ZSCAN30: variants seen among roughly 807,000 people sequenced by gnomAD.
ZSCAN30 encodes zinc finger and SCAN domain-containing protein 30.
A neutral mutation model predicts 44.3 loss-of-function variants in ZSCAN30; 37 were observed. The ratio of observed to expected loss-of-function variants is 0.84; its 90% CI spans 0.64 to 1.10. The LOEUF is 1.10. Among genes scored for constraint, ZSCAN30 ranks in the 50% least tolerant of loss-of-function variants. ZSCAN30 has a pLI of 0.00. For synonymous variants in ZSCAN30, 181 were observed against 204.6 expected (o/e 0.88, Z 0.98); for missense variants, 549 against 582.6 (o/e 0.94, Z 0.59).
intron 1 of ZSCAN30, among the ~76,000 whole-genome samples, chr18:35,270,788 C>T (rs1048017921): frequency 1.2e-4 from 19 of 152,306 alleles, no homozygotes; most frequent in African/African-American, 4.3e-4. Context: ...AGAATAAAGC[C>T]GCGGACCCTC....
intron 3 of ZSCAN30, chr18:35,260,636 A>AT (rs1348610634): frequency 1.3e-5 from 2 of 151,952 alleles, no homozygotes; most frequent in South Asian, 2.1e-4. Context: ...TTTTTTATAT[A>AT]TTTTTTGGTG....
At chr18:35,271,859 C>T (rs1477002971) in intron 1 of ZSCAN30, among the ~76,000 whole-genome samples, 1 of 152,204 alleles carries the variant, frequency 6.6e-6, no homozygotes. Context: ...TTCTGTGGGA[C>T]CCCGCGCCCC....
intron 1 of ZSCAN30, 148 bp downstream of exon 1, chr18:35,289,936 T>C (rs1289796078): frequency 6.6e-6 from 1 of 152,172 alleles, no homozygotes; most frequent in East Asian, 1.9e-4. Context: ...TGATGCGCGC[T>C]ACTCTTCTGG....
intron 1 of ZSCAN30, among the ~76,000 whole-genome samples, chr18:35,272,180 A>C (rs986859020): frequency 3.9e-5 from 6 of 152,110 alleles, no homozygotes; most frequent in African/African-American, 1.4e-4. Flanking sequence ...GTCACCTCTC[A>C]CTACCACCTG....
At chr18:35,286,849 C>T (rs568273853) in intron 1 of ZSCAN30, among the ~76,000 whole-genome samples, 60 of 152,076 alleles carry the variant, frequency 3.9e-4, no homozygotes, top group Admixed American at 6.5e-4. Context: ...TGCCTTACTG[C>T]GCTGAAAATA....
chr18:35,280,268 T>A (rs2044432592), intron 1 of ZSCAN30, among the ~76,000 whole-genome samples: 1 of 95,562 alleles, frequency 1.0e-5, no homozygotes, highest in African/African-American at 3.8e-5. Flanking sequence ...ACAGTGATAC[T>A]TTGTCTCAAA....
At position 35,254,012 on chromosome 18, in the gene ZSCAN30, T is replaced by G. The variant is rs754457806; in HGVS notation, c.923A>C (p.Lys308Thr). Residue 308 changes from lysine (K) to threonine (T), a missense_variant, in exon 4 of 4, where the codon AAG becomes ACG. Coordinates refer to ENST00000333206, the MANE Select transcript of ZSCAN30 (RefSeq NM_001112734.4). ...CAGCTTTGAGCTCTGGCAAAAGGCC[T>G]TCCCACAGTCAAAGCACTCATAGAG... is the stretch of plus-strand genomic sequence containing the variant. ...EKLYECFDCG[K>T]AFCQSSKLIR... The G allele has an allele frequency of 3.7e-6, 6 of 1,614,110 alleles. No individual in the cohort carries two copies. The highest frequency in any genetic ancestry group is 1.3e-5 in the African/African-American group (1 of 74,948).
intron 1 of ZSCAN30, among the ~76,000 whole-genome samples, chr18:35,288,343 T>TAA (rs758726688): frequency 5.3e-5 from 8 of 152,218 alleles, no homozygotes; most frequent in Non-Finnish European, 1.2e-4. Context: ...CACAGTGAGT[T>TAA]GGTAAGGATG....
Position 35,253,919 on chromosome 18 carries a change from C to G in ZSCAN30, c.1016G>C (p.Ser339Thr), listed in dbSNP as rs764405423. Residue 339 changes from serine to threonine, a missense_variant, in exon 4 of 4, where the codon AGT (serine) becomes ACT (threonine). Coordinates refer to ENST00000333206, the MANE Select transcript of ZSCAN30 (RefSeq NM_001112734.4). ...YACKECGKAF[S>T]LSSDLVRHQR... Reference sequence around the variant, plus strand: ...ATGTCTAACAAGGTCTGAGCTCAAACTGAAGGCTTTGCCACATTCTTTACA... The same window carrying G: ...ATGTCTAACAAGGTCTGAGCTCAAAGTGAAGGCTTTGCCACATTCTTTACA... 6.2e-7 allele frequency: 1 copy of G among 1,614,150 alleles called. No homozygotes were observed. Among genetic ancestry groups the G allele is most frequent in the African/African-American group, 1.3e-5 (1 of 75,042 alleles).
intron 1 of ZSCAN30, among the ~76,000 whole-genome samples, chr18:35,279,525 T>C (rs2044418904): frequency 6.6e-6 from 1 of 152,184 alleles, no homozygotes; most frequent in Non-Finnish European, 1.5e-5. Flanking sequence ...CAGGCTGCTA[T>C]AACAAAAAAT....
chr18:35,257,336 T>C (rs1488972598), intron 3 of ZSCAN30: 1 of 152,750 alleles, frequency 6.5e-6, no homozygotes, highest in Non-Finnish European at 1.5e-5. Context: ...GAATGTTGGC[T>C]CCTCCAATGA....
chr18:35,271,761 G>C (rs181869768), intron 1 of ZSCAN30, among the ~76,000 whole-genome samples: 1 of 152,232 alleles, frequency 6.6e-6, no homozygotes, highest in African/African-American at 2.4e-5. Context: ...GAGGGGGGGC[G>C]CTTGGGCATG....
intron 1 of ZSCAN30, among the ~76,000 whole-genome samples, chr18:35,275,659 A>G (rs1026481734): frequency 2.6e-5 from 4 of 151,382 alleles, no homozygotes. Flanking sequence ...TGTGTTATCT[A>G]CTCTCTCTCT....
At chr18:35,289,943 C>G (rs1343304214) in intron 1 of ZSCAN30, 141 bp downstream of exon 1, 2 of 152,100 alleles carry the variant, frequency 1.3e-5, no homozygotes, top group Non-Finnish European at 2.9e-5. Flanking sequence ...CGCTACTCTT[C>G]TGGGGGTGTG....
chr18:35,289,552 C>T (rs2143796891), intron 1 of ZSCAN30: 1 of 152,148 alleles, frequency 6.6e-6, no homozygotes. Context: ...AATGAGGTCC[C>T]AACTCCTCAT....
chr18:35,281,503 A>G (rs890993710), intron 1 of ZSCAN30: 5 of 152,156 alleles, frequency 3.3e-5, no homozygotes, highest in African/African-American at 1.2e-4. Flanking sequence ...TCATATCATC[A>G]CTTTTGGGTA....
In ZSCAN30 at chr18:35,264,248, A is replaced by G; in HGVS notation, c.105T>C (p.Phe35=). 1.9e-6 allele frequency: 3 copies of G among 1,614,182 alleles called. No homozygotes were observed. The highest frequency in any genetic ancestry group is 2.2e-5 in the East Asian group (1 of 44,884). ...EEENYVLDQD[F]GLQENPWSQE... ...GGCTCCAGGGGTTTTCCTGAAGGCC[A>G]AAGTCCTGGTCCAAAACATAATTTT... The change falls in exon 2 of 4, where the codon TTT becomes TTC. Residue 35 remains phenylalanine (F), a synonymous_variant. Coordinates refer to ENST00000333206, the MANE Select transcript of ZSCAN30 (RefSeq NM_001112734.4).
At chr18:35,279,497 G>A (rs1233297295) in intron 1 of ZSCAN30, among the ~76,000 whole-genome samples, 2 of 152,194 alleles carry the variant, frequency 1.3e-5, no homozygotes, top group East Asian at 3.8e-4. Flanking sequence ...ATCTGCAAGG[G>A]CCCTGTCTTA....
In ZSCAN30 at chr18:35,254,310, T is replaced by G. The variant is rs149603300; in HGVS notation, c.625A>C (p.Met209Leu). The G allele has an allele frequency of 6.2e-7, 1 of 1,614,146 alleles. No individual in the cohort carries two copies. The highest frequency in any genetic ancestry group is 8.5e-7 in the Non-Finnish European group (1 of 1,179,964). Residue 209 changes from methionine to leucine, a missense_variant, in exon 4 of 4, where the codon ATG (methionine) becomes CTG (leucine). Met to Leu is a conservative substitution (Grantham distance 15). Coordinates refer to ENST00000333206, the MANE Select transcript of ZSCAN30 (RefSeq NM_001112734.4). ...CCAGGAAGTTTTCCCGGCGATATCA[T>G]AGCTGCTGAGGCTACACATTCAACA... ...EIVECVASAAMISPGKLPGET... is the reference protein window; with the variant it reads ...EIVECVASAALISPGKLPGET...
Sources: allele counts gnomAD v4.1 joint callset (sites outside exome capture counted in the v4.1 genomes callset), GRCh38; gene constraint gnomAD v4.1.1; transcripts MANE v1.5; gene names NCBI Gene and HGNC (gene_info 2026-07-23, HGNC 2026-07-21).